The following NBAS variants were observed in gnomAD, a reference collection of about 807,000 sequenced individuals.
NBAS encodes the protein NBAS subunit of NRZ tethering complex.
A neutral mutation model predicts 302.5 loss-of-function variants in NBAS; 219 were observed. The observed-to-expected ratio is 0.72, with a 90% CI of 0.65 to 0.81. NBAS has a LOEUF of 0.81. NBAS is among the 30% of genes least tolerant of loss of function. NBAS has a pLI of 0.00. For missense variants in NBAS, 2,932 were observed against 2,841.6 expected (o/e 1.03, Z -0.72); for synonymous variants, 1,118 against 1,021.6 (o/e 1.09, Z -1.80).
the NBAS span, among the ~76,000 whole-genome samples, chr2:14,796,297 C>CAAAG: frequency 0.011 from 1,622 of 152,232 alleles, 29 homozygotes; most frequent in African/African-American, 0.036. Context: ...TTCATTCTTC[C>CAAAG]TTTCCAAAGT....
At chr2:15,044,957 G>A in the NBAS span, among the ~76,000 whole-genome samples, 2 of 152,138 alleles carry the variant, frequency 1.3e-5, no homozygotes, top group South Asian at 2.1e-4. Flanking sequence ...ACACAACAAC[G>A]AAATGTCATA....
the NBAS span, among the ~76,000 whole-genome samples, chr2:15,081,202 C>T: frequency 6.6e-6 from 1 of 152,132 alleles, no homozygotes; most frequent in Non-Finnish European, 1.5e-5. Flanking sequence ...CAATGGGGTC[C>T]TATTAACTTT....
chr2:15,512,183 TAA>T (rs937958791), intron 9 of NBAS, among the ~76,000 whole-genome samples: 13 of 152,268 alleles, frequency 8.5e-5, no homozygotes, highest in African/African-American at 2.9e-4. Context: ...CAAAAAAACA[TAA>T]AGTTATTTAG....
the NBAS span, among the ~76,000 whole-genome samples, chr2:15,142,658 C>T: frequency 6.6e-6 from 1 of 152,160 alleles, no homozygotes; most frequent in East Asian, 1.9e-4. Flanking sequence ...TCCTGTTCCC[C>T]GAAGGGGCTA....
the NBAS span, among the ~76,000 whole-genome samples, chr2:15,068,712 G>T: frequency 6.6e-6 from 1 of 152,296 alleles, no homozygotes; most frequent in African/African-American, 2.4e-5. Context: ...GACTTGCCCT[G>T]GCAGCACCAT....
chr2:15,098,439 G>A, the NBAS span, among the ~76,000 whole-genome samples: 17 of 38,716 alleles, frequency 4.4e-4, no homozygotes, highest in African/African-American at 9.1e-4. Flanking sequence ...ATTATATATT[G>A]TATATTGTAT....
chr2:15,434,879 G>A (rs150011535), intron 21 of NBAS, among the ~76,000 whole-genome samples: 108 of 152,252 alleles, frequency 7.1e-4, no homozygotes, highest in African/African-American at 2.4e-3. Flanking sequence ...ACTGCCAAAT[G>A]GGAAGAAATA....
At chr2:14,936,001 A>C in the NBAS span, among the ~76,000 whole-genome samples, 47 of 152,354 alleles carry the variant, frequency 3.1e-4, 1 homozygote, top group South Asian at 9.5e-3. Flanking sequence ...CGAATAAAAT[A>C]GTTCCAATGA....
At chr2:15,282,725 G>T (rs1478015428) in intron 42 of NBAS, among the ~76,000 whole-genome samples, 1 of 152,182 alleles carries the variant, frequency 6.6e-6, no homozygotes, top group Non-Finnish European at 1.5e-5. Context: ...CTTGAAATCT[G>T]CTGTCTAAAT....
intron 40 of NBAS, among the ~76,000 whole-genome samples, chr2:15,304,138 A>C (rs1478137600): frequency 3.9e-5 from 6 of 152,192 alleles, no homozygotes; most frequent in Admixed American, 3.9e-4. Flanking sequence ...CCCATGTGTC[A>C]AGGGAAAGAC....
chr2:15,026,882 C>G, the NBAS span, among the ~76,000 whole-genome samples: 2 of 152,050 alleles, frequency 1.3e-5, no homozygotes, highest in Non-Finnish European at 2.9e-5. Context: ...GCTGGTTGTG[C>G]CAGCTTCGTT....
At chr2:15,234,401 C>G in intron 46 of NBAS, 144 bp downstream of exon 46, 1 of 809,148 alleles carries the variant, frequency 1.2e-6, no homozygotes, top group Non-Finnish European at 2.1e-6. Context: ...AGACATAAGA[C>G]TATGAGAACT....
the NBAS span, among the ~76,000 whole-genome samples, chr2:14,977,154 A>C: frequency 6.6e-6 from 1 of 152,208 alleles, no homozygotes; most frequent in Non-Finnish European, 1.5e-5. Context: ...AGCCATAGCC[A>C]GTATAAAATT....
chr2:15,236,547 A>AG (rs1414590110), intron 45 of NBAS, among the ~76,000 whole-genome samples: 1 of 149,688 alleles, frequency 6.7e-6, no homozygotes, highest in Non-Finnish European at 1.5e-5. Context: ...AAAAAAAAAA[A>AG]AAAAAAAAGA....
the NBAS span, among the ~76,000 whole-genome samples, chr2:15,095,509 T>G: frequency 2.0e-5 from 3 of 152,228 alleles, no homozygotes; most frequent in South Asian, 2.1e-4. Flanking sequence ...TCCCACCAGT[T>G]CCCTCCCACC....
intron 26 of NBAS, among the ~76,000 whole-genome samples, chr2:15,398,757 A>T (rs1178863626): frequency 1.3e-5 from 2 of 152,238 alleles, no homozygotes; most frequent in Non-Finnish European, 2.9e-5. Context: ...AGAGAACCAC[A>T]GAAAATATTT....
intron 21 of NBAS, among the ~76,000 whole-genome samples, chr2:15,456,481 T>G (rs79513373): frequency 6.6e-6 from 1 of 152,198 alleles, no homozygotes. Context: ...AAAAAATACT[T>G]CCTGAGCTAC....
At chr2:15,077,264 A>T in the NBAS span, among the ~76,000 whole-genome samples, 1 of 152,216 alleles carries the variant, frequency 6.6e-6, no homozygotes, top group African/African-American at 2.4e-5. Context: ...ACTCACTATC[A>T]CAAGAACAGC....
chr2:15,072,082 T>G, the NBAS span, among the ~76,000 whole-genome samples: 1 of 152,358 alleles, frequency 6.6e-6, no homozygotes, highest in Admixed American at 6.5e-5. Context: ...CTTTGAAGAA[T>G]TATCTATTTT....
Sources: allele counts gnomAD v4.1 joint callset (sites outside exome capture counted in the v4.1 genomes callset), GRCh38; gene constraint gnomAD v4.1.1; transcripts MANE v1.5; gene names NCBI Gene and HGNC (gene_info 2026-07-23, HGNC 2026-07-21).